The following FHIT variants were observed in gnomAD, a reference collection of about 807,000 sequenced individuals.
FHIT encodes bis(5'-adenosyl)-triphosphatase.
Under a neutral mutation model 17.9 loss-of-function variants are expected in FHIT, and 19 were observed. The ratio of observed to expected loss-of-function variants is 1.06; its 90% confidence interval spans 0.74 to 1.56. The LOEUF (loss-of-function observed/expected upper bound fraction) is 1.56, where lower values mean the gene tolerates loss of function less well. Ranked by LOEUF, FHIT falls within the 40% of genes most tolerant of loss-of-function variation. The pLI is 0.00. For missense variants in FHIT, 248 were observed against 189.2 expected (o/e 1.31, Z -1.82); for synonymous variants, 81 against 69.7 (o/e 1.16, Z -0.81).
At chr3:61,088,744 C>T (rs1456800853) in intron 2 of FHIT, among the ~76,000 whole-genome samples, 5 of 133,586 alleles carry the variant, frequency 3.7e-5, no homozygotes, top group Non-Finnish European at 6.4e-5. Flanking sequence ...TTCTCTAACA[C>T]GAATTTTTAG....
chr3:60,635,027 C>T (rs570034294), intron 4 of FHIT, among the ~76,000 whole-genome samples: 3 of 152,228 alleles, frequency 2.0e-5, no homozygotes, highest in South Asian at 2.1e-4. Flanking sequence ...TGCCCCACTG[C>T]GCCCAGCCTA....
In FHIT at chr3:60,570,737, T is replaced by TAAAAAA. The variant is rs10637926; in HGVS notation, c.-17-33764_-17-33759dup. Among the ~76,000 whole-genome samples the TAAAAAA allele has an allele frequency of 6.8e-5, 9 of 132,520 alleles. 1 individual carries two copies. Among genetic ancestry groups the TAAAAAA allele is most frequent in the Non-Finnish European group, 1.1e-4 (7 of 64,388 alleles). The allele number at this position is 132,520 out of a possible 152,430, so 86.9% of individuals were successfully genotyped here. ...AACAATACTTAGTACATTAAAAAAT[T>TAAAAAA]AAAAAAAAAAAAAAAAAACTATCTC... On this transcript the variant is annotated intron_variant, in intron 4 of 9. Coordinates refer to ENST00000492590, the MANE Select transcript of FHIT (RefSeq NM_002012.4).
intron 5 of FHIT, among the ~76,000 whole-genome samples, chr3:60,527,756 A>G (rs1465786807): frequency 6.6e-6 from 1 of 152,244 alleles, no homozygotes; most frequent in Non-Finnish European, 1.5e-5. Flanking sequence ...AGTGGGGCTA[A>G]TGGGAAAGGT....
chr3:59,950,073 C>A (rs953649288), intron 7 of FHIT, among the ~76,000 whole-genome samples: 1 of 152,142 alleles, frequency 6.6e-6, no homozygotes, highest in Non-Finnish European at 1.5e-5. Context: ...CTTTCTGGGT[C>A]TTAATGTCCT....
intron 4 of FHIT, among the ~76,000 whole-genome samples, chr3:60,587,650 G>A (rs2037950101): frequency 6.6e-6 from 1 of 152,012 alleles, no homozygotes; most frequent in African/African-American, 2.4e-5. Context: ...AAGGCCCTTA[G>A]AAGCCACGCA....
At chr3:60,063,711 C>T (rs1559596936) in intron 5 of FHIT, among the ~76,000 whole-genome samples, 1 of 152,180 alleles carries the variant, frequency 6.6e-6, no homozygotes. Context: ...CCCTTTAACC[C>T]AGCAAATGCA....
chr3:60,275,825 A>G (rs983802885), intron 5 of FHIT, among the ~76,000 whole-genome samples: 1 of 152,156 alleles, frequency 6.6e-6, no homozygotes, highest in African/African-American at 2.4e-5. Context: ...GTCCTATCCT[A>G]CACAATAATG....
At chr3:60,383,002 C>T (rs1360617441) in intron 5 of FHIT, among the ~76,000 whole-genome samples, 1 of 152,166 alleles carries the variant, frequency 6.6e-6, no homozygotes, top group East Asian at 1.9e-4. Context: ...TGTATTAATA[C>T]TTTTGCATTT....
chr3:60,889,613 G>A (rs1383518269), intron 3 of FHIT, among the ~76,000 whole-genome samples: 1 of 152,142 alleles, frequency 6.6e-6, no homozygotes, highest in Non-Finnish European at 1.5e-5. Flanking sequence ...GAGGACTGTA[G>A]CTTAGAAGCT....
chr3:60,689,928 T>A (rs1318240485), intron 4 of FHIT, among the ~76,000 whole-genome samples: 1 of 152,228 alleles, frequency 6.6e-6, no homozygotes, highest in African/African-American at 2.4e-5. Context: ...AAAGTTACAA[T>A]CACTTAAATC....
At chr3:61,215,099 A>C (rs2039628943) in intron 1 of FHIT, among the ~76,000 whole-genome samples, 2 of 151,972 alleles carry the variant, frequency 1.3e-5, no homozygotes, top group African/African-American at 4.8e-5. Flanking sequence ...AACTGGCACA[A>C]GACAGGGATG....
intron 4 of FHIT, among the ~76,000 whole-genome samples, chr3:60,692,160 A>G (rs2041006905): frequency 6.6e-6 from 1 of 152,176 alleles, no homozygotes; most frequent in Non-Finnish European, 1.5e-5. Context: ...CACTACCTGC[A>G]TCTGTATTAT....
At chr3:60,587,425 G>A (rs2037942362) in intron 4 of FHIT, among the ~76,000 whole-genome samples, 1 of 151,910 alleles carries the variant, frequency 6.6e-6, no homozygotes. Flanking sequence ...CCTAGATGAT[G>A]GGTTGGTAGG....
At chr3:60,131,956 A>G (rs1201709391) in intron 5 of FHIT, among the ~76,000 whole-genome samples, 3 of 152,174 alleles carry the variant, frequency 2.0e-5, no homozygotes, top group African/African-American at 7.2e-5. Context: ...CTCCACATCT[A>G]TAAAGTGCCA....
At chr3:60,190,026 C>T (rs1034338898) in intron 5 of FHIT, among the ~76,000 whole-genome samples, 4 of 152,172 alleles carry the variant, frequency 2.6e-5, no homozygotes, top group African/African-American at 9.7e-5. Flanking sequence ...GACTTCCATT[C>T]AGCTTTGAAA....
intron 7 of FHIT, among the ~76,000 whole-genome samples, chr3:59,923,290 A>C (rs937636991): frequency 1.3e-5 from 2 of 151,516 alleles, no homozygotes; most frequent in African/African-American, 4.9e-5. Context: ...TCCACTTTAC[A>C]GAAGAAGATA....
At chr3:61,054,462 A>G (rs2034143188) in intron 2 of FHIT, among the ~76,000 whole-genome samples, 1 of 152,170 alleles carries the variant, frequency 6.6e-6, no homozygotes. Flanking sequence ...ATTGATAGAA[A>G]TGTTAATAGT....
chr3:61,006,850 G>C (rs891740827), intron 3 of FHIT, among the ~76,000 whole-genome samples: 5 of 151,994 alleles, frequency 3.3e-5, no homozygotes, highest in African/African-American at 1.2e-4. Flanking sequence ...TTACATAGTA[G>C]AAAGTTTAAT....
intron 5 of FHIT, among the ~76,000 whole-genome samples, chr3:60,263,397 A>C (rs1347274586): frequency 6.6e-6 from 1 of 152,002 alleles, no homozygotes; most frequent in Non-Finnish European, 1.5e-5. Flanking sequence ...CATCTATGAA[A>C]AATTATAGCT....
Sources: allele counts gnomAD v4.1 joint callset (sites outside exome capture counted in the v4.1 genomes callset), GRCh38; gene constraint gnomAD v4.1.1; transcripts MANE v1.5; gene names NCBI Gene and HGNC (gene_info 2026-07-23, HGNC 2026-07-21).